ESYT1: variants seen among roughly 807,000 people sequenced by gnomAD.
ESYT1 encodes extended synaptotagmin-1.
Under a neutral mutation model 154.2 loss-of-function variants are expected in ESYT1, and 116 were observed. The observed-to-expected ratio is 0.75, with a 90% confidence interval of 0.65 to 0.88. The LOEUF (loss-of-function observed/expected upper bound fraction) is 0.88, where lower values mean the gene tolerates loss of function less well. Among genes scored for constraint, ESYT1 ranks in the 40% least tolerant of loss-of-function variants. The pLI is 0.00. For synonymous variants in ESYT1, 500 were observed against 539.9 expected (o/e 0.93, Z 1.02); for missense variants, 1,264 against 1,379.3 (o/e 0.92, Z 1.32).
At chr12:56,128,911 G>T (rs1870115829) in intron 1 of ESYT1, 2 of 617,458 alleles carry the variant, frequency 3.2e-6, no homozygotes, top group Non-Finnish European at 5.6e-6. Context: ...CCACCCTTTC[G>T]CATGCCCAGA....
At chr12:56,130,444 A>G (rs1870185095) in intron 1 of ESYT1, 138 bp from the exon 2 acceptor site, 1 of 992,050 alleles carries the variant, frequency 1.0e-6, no homozygotes, top group South Asian at 1.3e-5. Context: ...CCTTTGGGGC[A>G]TCCTCGCCCC....
At chr12:56,137,401 G>C (rs758737441) in intron 17 of ESYT1, 28 bp downstream of exon 17, 3 of 1,613,846 alleles carry the variant, frequency 1.9e-6, no homozygotes, top group Non-Finnish European at 2.5e-6. Flanking sequence ...AAGGACTAGG[G>C]TCTGTTTGCC....
chr12:56,141,536 C>T lies in ESYT1; in HGVS notation c.2593-749C>T, dbSNP rs576450970. 2.4e-4 allele frequency among the ~76,000 whole-genome samples: 36 copies of T among 152,154 alleles called. 1 individual carries two copies. Among genetic ancestry groups the T allele is most frequent in the African/African-American group, 3.9e-4 (16 of 41,486 alleles). ...CGGGCAGATCACAAGGTCAGGAGATCGAGACCATCCTGGCTAACACGGTGA... is the reference window on the plus strand; with the variant it reads ...CGGGCAGATCACAAGGTCAGGAGATTGAGACCATCCTGGCTAACACGGTGA... On this transcript the variant is annotated intron_variant, in intron 24 of 30. Transcript: ENST00000394048.
intron 2 of ESYT1, 64 bp downstream of exon 2, chr12:56,130,687 G>C: frequency 6.2e-7 from 1 of 1,613,460 alleles, no homozygotes; most frequent in South Asian, 1.1e-5. Context: ...CTTCTTGCCA[G>C]ACCCATCCTC....
Position 56,129,991 on chromosome 12 carries a change from A to T in ESYT1, c.391-591A>T, listed in dbSNP as rs570818159. Among the ~76,000 whole-genome samples the T allele has an allele frequency of 8.7e-4, 132 of 151,428 alleles. 3 individuals are homozygous for T. In the South Asian group the frequency reaches 0.027, roughly 30 times the overall value. ...TGGAGTGCAGTGGCCCGAACTTGGC[A>T]CACTGCAACCTCTGCCTCTTCAAGC... is the stretch of plus-strand genomic sequence containing the variant. On this transcript the variant is annotated intron_variant, in intron 1 of 30. Coordinates refer to ENST00000394048, the MANE Select transcript of ESYT1 (RefSeq NM_015292.3).
At position 56,143,901 on chromosome 12, in the gene ESYT1, CCTT is replaced by C. The variant is rs751677986; in HGVS notation, c.*41_*43del. On this transcript the variant is annotated 3_prime_UTR_variant, in exon 31 of 31. Transcript: ENST00000394048. ...CCAGCCTGACTGCTCTGTCTTCCTG[CCTT>C]CGTCTCGCTCCATCACCGCCTCAAT... The C allele has an allele frequency of 1.9e-6, 3 of 1,613,148 alleles. No individual in the cohort carries two copies. The highest frequency in any genetic ancestry group is 2.2e-5 in the South Asian group (2 of 91,080).
chr12:56,136,166 G>GGAT (rs1183167858), intron 15 of ESYT1, among the ~76,000 whole-genome samples: 7 of 152,056 alleles, frequency 4.6e-5, no homozygotes, highest in African/African-American at 7.2e-5. Context: ...TCAGAGAAAG[G>GGAT]GATAGGCTGG....
rs566310131 is a variant in ESYT1, at chr12:56,133,778, C to T, written c.1381-3C>T. 16 of 1,614,066 alleles carry T rather than the reference C, an allele frequency of 9.9e-6. No individual in the cohort carries two copies. In the African/African-American group the frequency reaches 2.1e-4, roughly 22 times the overall value. The stretch of plus-strand genomic sequence containing the variant: ...AGATCTGACTACTACCACCCCTCCC[C>T]AGGTTCTACAGTGGAATTGGGGAGT... On this transcript the variant is annotated splice_polypyrimidine_tract_variant and splice_region_variant and intron_variant, in intron 12 of 30. Coordinates refer to ENST00000394048, the MANE Select transcript of ESYT1 (RefSeq NM_015292.3).
At position 56,137,807 on chromosome 12, in the gene ESYT1, C is replaced by A. The variant is rs765364832; in HGVS notation, c.2116-25C>A. On this transcript the variant is annotated intron_variant, in intron 18 of 30. Coordinates refer to ENST00000394048, the MANE Select transcript of ESYT1 (RefSeq NM_015292.3). Reference sequence around the variant, plus strand: ...TGCAGAGGAAAAGGAGAGAATCTTTCATCTGCACTATTTTCTCCCACTAGG... The same window carrying A: ...TGCAGAGGAAAAGGAGAGAATCTTTAATCTGCACTATTTTCTCCCACTAGG... The A allele has an allele frequency of 2.5e-6, 4 of 1,613,144 alleles. No homozygotes were observed. The South Asian group carries it at 4.4e-5, about 18-fold the overall frequency.
intron 22 of ESYT1, 49 bp downstream of exon 22, chr12:56,138,548 C>G (rs1345021189): frequency 2.4e-5 from 37 of 1,520,188 alleles, no homozygotes; most frequent in Non-Finnish European, 3.2e-5. Context: ...CTTCTTCCAC[C>G]TTCCTCCGGT....
Position 56,132,849 on chromosome 12 carries a change from G to A in ESYT1, c.1244+48G>A, listed in dbSNP as rs767711262. ...TCTAAAGCCCATGCTGGCCAGGCAC[G>A]GTGGCTCATGCCTGTAATCCCAGCA... On this transcript the variant is annotated intron_variant, in intron 10 of 30. Transcript: ENST00000394048. The A allele has an allele frequency of 3.0e-5, 47 of 1,542,568 alleles. No homozygotes were observed. The Middle Eastern group carries it at 6.1e-4, about 20-fold the overall frequency.
chr12:56,141,134 C>A (rs772009939), intron 24 of ESYT1, among the ~76,000 whole-genome samples: 21 of 152,142 alleles, frequency 1.4e-4, no homozygotes, highest in Non-Finnish European at 2.8e-4. Flanking sequence ...AGTGAGGAGA[C>A]AAAAGATGGC....
At chr12:56,140,591 T>G (rs555913795) in intron 24 of ESYT1, among the ~76,000 whole-genome samples, 10 of 151,978 alleles carry the variant, frequency 6.6e-5, no homozygotes, top group African/African-American at 2.4e-4. Flanking sequence ...CTCTAAGTCC[T>G]GACCTCAAGT....
Position 56,142,626 on chromosome 12 carries a change from A to G in ESYT1, c.2782A>G (p.Ser928Gly), listed in dbSNP as rs762839631. ...AGTGGAAGCTCATAGCCACAGCTACAGCCACAGCTCCTCATCGCTGAGTGA... is the reference window on the plus strand; with the variant it reads ...AGTGGAAGCTCATAGCCACAGCTACGGCCACAGCTCCTCATCGCTGAGTGA... ...SGVEAHSHSY[S>G]HSSSSLSEEP... Residue 928 changes from serine (S) to glycine (G), a missense_variant, in exon 26 of 31, where the codon AGC becomes GGC. Ser to Gly is a moderately conservative substitution (Grantham distance 56). Transcript: ENST00000394048. This position sits in a 1 kb window ranked among gnomAD's most constrained non-coding sequence, Gnocchi z 4.1. The G allele has an allele frequency of 3.7e-6, 6 of 1,614,070 alleles. No homozygotes were observed.
Position 56,128,680 on chromosome 12 carries a change from T to C in ESYT1, c.361T>C (p.Tyr121His), listed in dbSNP as rs1592243194. The C allele has an allele frequency of 1.9e-6, 3 of 1,614,020 alleles. No individual in the cohort carries two copies. In the Middle Eastern group the frequency reaches 5.0e-4, roughly 266 times the overall value. Reference protein sequence around the residue: ...DEEQLTAKTLYMSHRELPAWV... With the variant: ...DEEQLTAKTLHMSHRELPAWV... ...GGAGCAGCTCACTGCGAAAACTCTC[T>C]ATATGAGTCATCGAGAGCTACCTGC... Residue 121 changes from tyrosine (Y) to histidine (H), a missense_variant, in exon 1 of 31, where the codon TAT (tyrosine) becomes CAT (histidine). Coordinates refer to ENST00000394048, the MANE Select transcript of ESYT1 (RefSeq NM_015292.3).
rs1488636838 is a variant in ESYT1, at chr12:56,142,915, G to T, written c.2969G>T (p.Ser990Ile). The T allele has an allele frequency of 6.2e-7, 1 of 1,614,154 alleles. No individual in the cohort carries two copies. The highest frequency in any genetic ancestry group is 8.5e-7 in the Non-Finnish European group (1 of 1,180,038). Residue 990 changes from serine to isoleucine, a missense_variant, in exon 27 of 31, where the codon AGC becomes ATC. By Grantham distance (142) the Ser-to-Ile change is moderately radical. Coordinates refer to ENST00000394048, the MANE Select transcript of ESYT1 (RefSeq NM_015292.3). The surrounding 1 kb of genome is among the most constrained non-coding windows in gnomAD (Gnocchi z 4.1). Reference sequence around the variant, plus strand: ...TACAGTGAAGAACGAAAGCTGGTCAGCATTGTTCATGGTTGCCGGTGAGAC... The same window carrying T: ...TACAGTGAAGAACGAAAGCTGGTCATCATTGTTCATGGTTGCCGGTGAGAC... The part of the protein sequence containing the change: ...WYYSEERKLV[S>I]IVHGCRSLRQ...
chr12:56,131,615 C>T (rs1297336766), intron 6 of ESYT1, 49 bp downstream of exon 6: 4 of 1,607,946 alleles, frequency 2.5e-6, no homozygotes, highest in Non-Finnish European at 2.6e-6. Context: ...AAACAGAGGA[C>T]TGGGAGGATG....
At chr12:56,131,845 C>A (rs557636282) in intron 7 of ESYT1, 41 bp downstream of exon 7, 28 of 1,602,436 alleles carry the variant, frequency 1.7e-5, no homozygotes, top group Non-Finnish European at 2.4e-5. Flanking sequence ...TGTTCCAGCG[C>A]TGGGTTGGGG....
rs975403243 is a variant in ESYT1 at position 56,128,317 on chromosome 12, A to G, written c.-3A>G. On this transcript the variant is annotated 5_prime_UTR_variant, in exon 1 of 31. Coordinates refer to ENST00000394048, the MANE Select transcript of ESYT1 (RefSeq NM_015292.3). The stretch of plus-strand genomic sequence containing the variant: ...TCGGGCGGATCCTCCCAGAGGTGGC[A>G]CAATGGAGCGATCTCCAGGAGAGGG... 8 of 1,608,394 alleles carry G rather than the reference A, an allele frequency of 5.0e-6. No individual in the cohort carries two copies. Among genetic ancestry groups the G allele is most frequent in the South Asian group, 1.1e-5 (1 of 90,664 alleles).
Sources: allele counts gnomAD v4.1 joint callset (sites outside exome capture counted in the v4.1 genomes callset), GRCh38; gene constraint gnomAD v4.1.1; non-coding constraint Gnocchi (gnomAD v3.1); transcripts MANE v1.5; gene names NCBI Gene and HGNC (gene_info 2026-07-23, HGNC 2026-07-21).